Variants in DNAH8 observed in about 807,000 individuals in gnomAD.
The protein encoded by DNAH8 is axonemal beta dynein heavy chain 8.
In DNAH8, 382 loss-of-function variants were observed where a neutral mutation model predicts 562.1. That is an observed-to-expected ratio of 0.68 (90% confidence interval 0.63 to 0.74). DNAH8 has a LOEUF of 0.74. Among genes scored for constraint, DNAH8 ranks in the 30% least tolerant of loss-of-function variants. The pLI is 0.00. For synonymous variants in DNAH8, 1,881 were observed against 1,919.4 expected, an observed-to-expected ratio of 0.98 and a Z score of 0.52; for missense variants, 5,203 against 5,620.4, an observed-to-expected ratio of 0.93 and a Z score of 2.37.
chr6:38,788,681 C>T (rs1488526877), intron 18 of DNAH8, among the ~76,000 whole-genome samples: 1 of 152,120 alleles, frequency 6.6e-6, no homozygotes, highest in Admixed American at 6.5e-5. Flanking sequence ...TAAATACTAT[C>T]CCTTATCAGA....
chr6:38,895,863 A>T (rs1372736427), intron 59 of DNAH8, among the ~76,000 whole-genome samples, 170 bp from the exon 60 acceptor site: 1 of 152,216 alleles, frequency 6.6e-6, no homozygotes, highest in African/African-American at 2.4e-5. Flanking sequence ...TGTTAATGTT[A>T]TAACTTTCTT....
intron 23 of DNAH8, among the ~76,000 whole-genome samples, chr6:38,806,640 C>G (rs1771300264): frequency 6.6e-6 from 1 of 151,980 alleles, no homozygotes; most frequent in South Asian, 2.1e-4. Context: ...ACATTGCTGC[C>G]AGAACGGTCT....
chr6:38,913,994 C>A, intron 67 of DNAH8, 42 bp downstream of exon 67: 1 of 1,466,366 alleles, frequency 6.8e-7, no homozygotes, highest in Non-Finnish European at 9.5e-7. Context: ...GAATATTTTT[C>A]CATATTAAAA....
In DNAH8 at chr6:38,945,496, C is replaced by A. The variant is rs1583426155; in HGVS notation, c.12037C>A (p.Pro4013Thr). Reference protein sequence around the residue: ...GGAALDLKACPPKPYRWILDM... With the variant: ...GGAALDLKACTPKPYRWILDM... ...AGCAGCTCTGGACCTGAAAGCCTGTCCTCCCAAACCCTATCGCTGGATCCT... is the reference window on the plus strand; with the variant it reads ...AGCAGCTCTGGACCTGAAAGCCTGTACTCCCAAACCCTATCGCTGGATCCT... The change falls in exon 80 of 93, where the codon CCT (proline) becomes ACT (threonine). Residue 4013 changes from proline (P) to threonine (T), a missense_variant. By Grantham distance (38) the Pro-to-Thr change is conservative (BLOSUM62 -1). Coordinates refer to ENST00000327475, the MANE Select transcript of DNAH8 (RefSeq NM_001206927.2). The A allele has an allele frequency of 6.2e-7, 1 of 1,614,182 alleles. No individual in the cohort carries two copies. Among genetic ancestry groups the A allele is most frequent in the Non-Finnish European group, 8.5e-7 (1 of 1,180,012 alleles).
intron 33 of DNAH8, among the ~76,000 whole-genome samples, chr6:38,841,430 A>G (rs975481006): frequency 1.4e-4 from 21 of 152,222 alleles, no homozygotes; most frequent in Admixed American, 1.4e-3. Flanking sequence ...AAAATAAAAT[A>G]AAATAAAATA....
intron 11 of DNAH8, among the ~76,000 whole-genome samples, chr6:38,770,201 G>A (rs536589417): frequency 6.6e-6 from 1 of 151,992 alleles, no homozygotes. Flanking sequence ...ATAGTATATG[G>A]TATGCTTTGA....
intron 78 of DNAH8, 141 bp from the exon 79 acceptor site, chr6:38,938,657 G>A (rs1783175895): frequency 1.6e-6 from 1 of 625,874 alleles, no homozygotes; most frequent in South Asian, 2.1e-5. Flanking sequence ...CTTAATACCT[G>A]GGTGATGAAT....
chr6:38,908,863 C>T (rs1780675439), intron 64 of DNAH8, among the ~76,000 whole-genome samples: 4 of 152,080 alleles, frequency 2.6e-5, no homozygotes, highest in Admixed American at 2.6e-4. Flanking sequence ...TAGCTCCATT[C>T]CTGGTGCTTA....
In DNAH8 at chr6:38,853,615, A is replaced by G. The variant is rs189011462; in HGVS notation, c.5733+268A>G. Among the ~76,000 whole-genome samples the G allele has an allele frequency of 7.9e-5, 12 of 152,224 alleles. No homozygotes were observed. In the East Asian group the frequency reaches 1.9e-3, roughly 24 times the overall value. ...CATACATTGAGTCTAATAGATACAT[A>G]TGTAAGCGTGTGTGTGTGTGTGTAT... is the stretch of plus-strand genomic sequence containing the variant. On this transcript the variant is annotated intron_variant, in intron 41 of 92. Transcript: ENST00000327475.
Position 38,982,434 on chromosome 6 carries a change from A to G in DNAH8, c.12923A>G (p.Asn4308Ser), listed in dbSNP as rs775414233. The change falls in exon 86 of 93, where the codon AAT (asparagine) becomes AGT (serine). Residue 4308 changes from asparagine (N) to serine (S), a missense_variant. Asn to Ser is a conservative substitution (Grantham distance 46). Transcript: ENST00000327475. ...TCAGCCAGTGTTCAGTTTATTCAGA[A>G]TCACCTTGATGAATGCGATATTAAG... Reference protein sequence around the residue: ...DFSASVQFIQNHLDECDIKKG... With the variant: ...DFSASVQFIQSHLDECDIKKG... The G allele has an allele frequency of 1.3e-6, 2 of 1,581,432 alleles. No individual in the cohort carries two copies. Among genetic ancestry groups the G allele is most frequent in the South Asian group, 2.2e-5 (2 of 90,330 alleles).
At chr6:38,897,767 T>G (rs1000105038) in intron 60 of DNAH8, among the ~76,000 whole-genome samples, 2 of 151,850 alleles carry the variant, frequency 1.3e-5, no homozygotes, top group Admixed American at 1.3e-4. Context: ...GGTGACAGAG[T>G]ACCTTGACTC....
chr6:38,832,256 G>T lies in DNAH8; in HGVS notation c.4189-66G>T, dbSNP rs774505651. ...TCTGTGAGATACACTTGTTGGAATA[G>T]AATTGTAATTTTTGTTTTTAATATG... On this transcript the variant is annotated intron_variant, in intron 30 of 92. Coordinates refer to ENST00000327475, the MANE Select transcript of DNAH8 (RefSeq NM_001206927.2). 1.6e-3 allele frequency: 1,506 copies of T among 947,180 alleles called. 2 individuals are homozygous for T. The highest frequency in any genetic ancestry group is 2.3e-3 in the Non-Finnish European group (1,346 of 592,770). 58.7% of individuals were successfully genotyped at this position (947,180 alleles called of 1,614,324 possible).
chr6:38,913,861 T>C lies in DNAH8; in HGVS notation c.9872T>C (p.Leu3291Pro). The change falls in exon 67 of 93, where the codon CTA becomes CCA. Residue 3291 changes from leucine to proline, a missense_variant. Leu to Pro is a moderately conservative substitution (Grantham distance 98, BLOSUM62 -3). Transcript: ENST00000327475. ...AERMNIGLDK[L>P]MEASESVAKL... Reference sequence around the variant, plus strand: ...TGTATTTGTAAAGGTCTTGATAAACTAATGGAGGCAAGTGAATCTGTTGCT... The same window carrying C: ...TGTATTTGTAAAGGTCTTGATAAACCAATGGAGGCAAGTGAATCTGTTGCT... 1 of 1,612,832 alleles carries C rather than the reference T, an allele frequency of 6.2e-7. No homozygotes were observed. The highest frequency in any genetic ancestry group is 1.1e-5 in the South Asian group (1 of 91,008).
At chr6:38,717,082 T>A (rs7762397) in intron 1 of DNAH8, among the ~76,000 whole-genome samples, 17,044 of 152,150 alleles carry the variant, frequency 0.11, 1,542 homozygotes, top group African/African-American at 0.25. Flanking sequence ...TGTGATTGTG[T>A]ACGCCTTTAG....
chr6:38,959,481 T>C (rs934338232), intron 82 of DNAH8, among the ~76,000 whole-genome samples: 1 of 152,042 alleles, frequency 6.6e-6, no homozygotes. Flanking sequence ...GACATTGAAC[T>C]ATCTGAAAAA....
chr6:38,790,015 G>GTT (rs10709081), intron 19 of DNAH8, 132 bp downstream of exon 19: 16,400 of 545,124 alleles, frequency 0.03, 90 homozygotes, highest in East Asian at 0.099. Context: ...TTATAGCTCT[G>GTT]TTTTTTTTTT....
At position 38,990,130 on chromosome 6, in the gene DNAH8, A is replaced by G. The variant is rs371653382; in HGVS notation, c.13172A>G (p.Asp4391Gly). The change falls in exon 88 of 93, where the codon GAT (aspartate) becomes GGT (glycine). Residue 4391 changes from aspartate to glycine, a missense_variant. Asp to Gly is a moderately conservative substitution (Grantham distance 94). Transcript: ENST00000327475. ...FEYIQSLPSL[D>G]NPEVFGLHPN... is the part of the protein sequence containing the mutation. ...TACATCCAGTCACTGCCATCCCTAG[A>G]TAACCCTGAAGTCTTTGGGCTTCAC... 5 of 1,612,336 alleles carry G rather than the reference A, an allele frequency of 3.1e-6. No homozygotes were observed. In the African/African-American group the frequency reaches 6.7e-5, roughly 22 times the overall value.
At position 38,860,452 on chromosome 6, in the gene DNAH8, T is replaced by C. The variant is rs748171326; in HGVS notation, c.5959-5T>C. ...TATAATTTTTTTGTATTTTATGTTT[T>C]TAAGGTAAAAATGCATATCAAATCA... On this transcript the variant is annotated splice_polypyrimidine_tract_variant and splice_region_variant and intron_variant, in intron 42 of 92. Transcript: ENST00000327475. 5.7e-6 allele frequency: 8 copies of C among 1,401,768 alleles called. No homozygotes were observed. The African/African-American group carries it at 1.0e-4, about 18-fold the overall frequency. 86.8% of individuals were successfully genotyped at this position (1,401,768 alleles called of 1,614,324 possible).
rs997620520 is a variant in DNAH8, at chr6:38,722,869, G to A, written c.60G>A (p.Thr20=). ...PSEGAEAPPS[T]EEAAPPRSEE... is the part of the protein sequence containing the mutation. Reference sequence around the variant, plus strand: ...AGGGAGCAGAGGCTCCTCCCTCTACGGAAGAGGCTGCCCCTCCCCGTTCAG... The same window carrying A: ...AGGGAGCAGAGGCTCCTCCCTCTACAGAAGAGGCTGCCCCTCCCCGTTCAG... Residue 20 remains threonine (T), a synonymous_variant, in exon 2 of 93, where the codon ACG becomes ACA. Transcript: ENST00000327475. 6.2e-7 allele frequency: 1 copy of A among 1,611,678 alleles called. No homozygotes were observed. Among genetic ancestry groups the A allele is most frequent in the Non-Finnish European group, 8.5e-7 (1 of 1,179,416 alleles).
Sources: gnomAD v4.1 joint callset for allele counts (sites outside exome capture counted in the v4.1 genomes callset) on GRCh38, gnomAD v4.1.1 for gene constraint, MANE v1.5 for transcripts, NCBI Gene and HGNC (gene_info 2026-07-23, HGNC 2026-07-21) for gene names.